CFAP276: variants seen among roughly 807,000 people sequenced by gnomAD.
CFAP276 encodes cilia- and flagella-associated protein 276.
chr1:109,112,261 C>T, the CFAP276 span, among the ~76,000 whole-genome samples: 1 of 152,204 alleles, frequency 6.6e-6, no homozygotes, highest in Admixed American at 6.5e-5. Context: ...TCTCCCACTC[C>T]ATATCTCATT....
chr1:109,107,294 G>A, the CFAP276 span, among the ~76,000 whole-genome samples: 6 of 152,182 alleles, frequency 3.9e-5, no homozygotes, highest in Admixed American at 3.9e-4. Context: ...TGTTGATATG[G>A]AATTATCTTT....
chr1:109,108,885 G>A, the CFAP276 span, among the ~76,000 whole-genome samples: 1 of 152,160 alleles, frequency 6.6e-6, no homozygotes, highest in Non-Finnish European at 1.5e-5. Flanking sequence ...AGAATGCAAT[G>A]TCTAAGCAGG....
the CFAP276 span, among the ~76,000 whole-genome samples, chr1:109,113,452 G>GAGAGAGAT: frequency 8.5e-6 from 1 of 118,224 alleles, no homozygotes; most frequent in East Asian, 2.6e-4. Context: ...GAGAGAGAGA[G>GAGAGAGAT]AGAGAGAGAG....
the CFAP276 span, among the ~76,000 whole-genome samples, chr1:109,113,416 A>AGAGAGAGGAG: frequency 7.3e-5 from 5 of 68,080 alleles, no homozygotes; most frequent in Admixed American, 1.6e-4. Flanking sequence ...GAGAGAGAGA[A>AGAGAGAGGAG]AGAGAGAGAG....
the CFAP276 span, among the ~76,000 whole-genome samples, chr1:109,113,389 TC>T: frequency 1.1e-5 from 1 of 93,800 alleles, no homozygotes; most frequent in Non-Finnish European, 2.0e-5. Flanking sequence ...TGAGACCCTG[TC>T]TCAGAGAGAG....
the CFAP276 span, chr1:109,107,176 A>AG: frequency 7.2e-7 from 1 of 1,392,108 alleles, no homozygotes; most frequent in Non-Finnish European, 1.0e-6. Context: ...TCCCTGCTCT[A>AG]GTCAGGTTCT....
At chr1:109,106,416 G>T in the CFAP276 span, 1 of 1,304,170 alleles carries the variant, frequency 7.7e-7, no homozygotes, top group Non-Finnish European at 1.1e-6. Context: ...TGCTTTCCAA[G>T]ACCCACAGAT....
chr1:109,109,701 T>C, the CFAP276 span, among the ~76,000 whole-genome samples: 3 of 151,612 alleles, frequency 2.0e-5, no homozygotes, highest in African/African-American at 7.3e-5. Context: ...CGCATCTGGC[T>C]AATTTTTGTA....
the CFAP276 span, among the ~76,000 whole-genome samples, chr1:109,108,270 G>C: frequency 6.6e-6 from 1 of 152,162 alleles, no homozygotes; most frequent in Non-Finnish European, 1.5e-5. Flanking sequence ...AGCCCCTCAA[G>C]TAGCTGGGAT....
chr1:109,106,741 C>A, the CFAP276 span: 2 of 1,478,770 alleles, frequency 1.4e-6, no homozygotes, highest in Non-Finnish European at 1.8e-6. Flanking sequence ...TGAATGTGAT[C>A]TCAAGAATAA....
chr1:109,106,665 A>C, the CFAP276 span: 1 of 1,613,700 alleles, frequency 6.2e-7, no homozygotes, highest in Non-Finnish European at 8.5e-7. Context: ...TGGTTCTAGA[A>C]GAAGGCATAG....
the CFAP276 span, chr1:109,106,957 A>G: frequency 7.2e-7 from 1 of 1,397,712 alleles, no homozygotes; most frequent in Non-Finnish European, 1.0e-6. Context: ...ACCTTATATG[A>G]CTGGATGGCA....
chr1:109,106,597 GC>G, the CFAP276 span: 1 of 1,613,994 alleles, frequency 6.2e-7, no homozygotes, highest in South Asian at 1.1e-5. Flanking sequence ...TCTGATGTTA[GC>G]CAGGAAAGTG....
the CFAP276 span, chr1:109,107,956 A>G: frequency 1.2e-6 from 2 of 1,613,392 alleles, no homozygotes; most frequent in Non-Finnish European, 1.7e-6. Flanking sequence ...CGCCTCATGG[A>G]AGTAATTGTG....
chr1:109,112,668 G>A, the CFAP276 span: 1 of 1,550,464 alleles, frequency 6.4e-7, no homozygotes, highest in South Asian at 1.2e-5. Context: ...AAGGGTCCCG[G>A]GTGGGAGGCA....
the CFAP276 span, chr1:109,113,771 G>A: frequency 6.3e-6 from 9 of 1,418,218 alleles, no homozygotes; most frequent in Non-Finnish European, 8.9e-6. Flanking sequence ...ACGGAAATTT[G>A]TTGGCTGGCT....
chr1:109,112,262 A>G, the CFAP276 span, among the ~76,000 whole-genome samples: 2 of 152,202 alleles, frequency 1.3e-5, no homozygotes, highest in Non-Finnish European at 2.9e-5. Context: ...CTCCCACTCC[A>G]TATCTCATTT....
the CFAP276 span, chr1:109,113,768 T>A: frequency 7.0e-7 from 1 of 1,437,706 alleles, no homozygotes. Flanking sequence ...AAAACGGAAA[T>A]TTGTTGGCTG....
At chr1:109,112,495 G>A in the CFAP276 span, 4 of 1,420,942 alleles carry the variant, frequency 2.8e-6, no homozygotes, top group Non-Finnish European at 2.8e-6. Context: ...ACCCGACTGA[G>A]TGTCTTCACC....
Sources: allele counts gnomAD v4.1 joint callset (sites outside exome capture counted in the v4.1 genomes callset), GRCh38; gene constraint gnomAD v4.1.1; transcripts MANE v1.5; gene names NCBI Gene and HGNC (gene_info 2026-07-23, HGNC 2026-07-21).